RBFOX1: variants seen among roughly 807,000 people sequenced by gnomAD.
RBFOX1 encodes RNA binding protein fox-1 homolog 1.
Under a neutral mutation model 57.7 loss-of-function variants are expected in RBFOX1, and 8 were observed. The observed-to-expected ratio is 0.14, with a 90% CI of 0.08 to 0.25. The LOEUF is 0.25. Among genes scored for constraint, RBFOX1 ranks in the 10% least tolerant of loss-of-function variants. The probability of loss-of-function intolerance (pLI) is 1.00; values close to 1 mark genes in which losing one functional copy is unlikely to be tolerated. For missense variants in RBFOX1, 611 were observed against 548.5 expected, an observed-to-expected ratio of 1.11 and a Z score of -1.14; for synonymous variants, 326 against 222.4, an observed-to-expected ratio of 1.47 and a Z score of -4.15.
chr16:7,282,498 G>C (rs1418201698), intron 4 of RBFOX1, among the ~76,000 whole-genome samples: 1 of 152,056 alleles, frequency 6.6e-6, no homozygotes. Flanking sequence ...ATTTTCTGCT[G>C]CCTTTTGCTC....
chr16:6,486,339 T>G (rs995009749), intron 2 of RBFOX1, among the ~76,000 whole-genome samples: 13 of 152,004 alleles, frequency 8.6e-5, no homozygotes, highest in Non-Finnish European at 1.5e-4. Context: ...CTGTCTAAAT[T>G]TATAATTTTT....
At chr16:7,077,449 C>G (rs1408668286) in intron 4 of RBFOX1, among the ~76,000 whole-genome samples, 2 of 152,136 alleles carry the variant, frequency 1.3e-5, no homozygotes, top group African/African-American at 4.8e-5. Flanking sequence ...CACAGAGTCT[C>G]AAAGACGAAC....
At chr16:5,818,902 T>C (rs2055744448) in intron 3 of RBFOX1, among the ~76,000 whole-genome samples, 2 of 152,162 alleles carry the variant, frequency 1.3e-5, no homozygotes, top group Non-Finnish European at 2.9e-5. Context: ...ACCCACCAAA[T>C]ACATCACCTT....
At chr16:5,523,098 C>T (rs2044085330) in intron 2 of RBFOX1, among the ~76,000 whole-genome samples, 1 of 151,964 alleles carries the variant, frequency 6.6e-6, no homozygotes, top group African/African-American at 2.4e-5. Context: ...CTAGCCTGGC[C>T]AATATGGTGC....
chr16:5,723,793 G>A (rs992185130), intron 3 of RBFOX1, among the ~76,000 whole-genome samples: 2 of 152,228 alleles, frequency 1.3e-5, no homozygotes, highest in Non-Finnish European at 2.9e-5. Flanking sequence ...TATGGAGAAA[G>A]CAGTGGAGGT....
At chr16:5,509,628 C>T (rs1331355395) in intron 2 of RBFOX1, among the ~76,000 whole-genome samples, 1 of 152,136 alleles carries the variant, frequency 6.6e-6, no homozygotes, top group Non-Finnish European at 1.5e-5. Context: ...CCTCATTTTC[C>T]AGGGAAGGCA....
chr16:6,133,395 C>T (rs35660628), intron 1 of RBFOX1, among the ~76,000 whole-genome samples: 7,679 of 152,268 alleles, frequency 0.05, 248 homozygotes, highest in Non-Finnish European at 0.069. Flanking sequence ...GCACTGAACA[C>T]AGGGTTCTGA....
chr16:5,520,188 A>G (rs957750939), intron 2 of RBFOX1, among the ~76,000 whole-genome samples: 1 of 152,250 alleles, frequency 6.6e-6, no homozygotes, highest in Non-Finnish European at 1.5e-5. Flanking sequence ...GAGATGAGTG[A>G]AGGAGAGAAG....
intron 4 of RBFOX1, among the ~76,000 whole-genome samples, chr16:5,910,237 C>G (rs1407272183): frequency 1.3e-5 from 2 of 152,002 alleles, no homozygotes; most frequent in African/African-American, 2.4e-5. Context: ...GGGTAGAGAC[C>G]TCTATATAGC....
Position 7,592,966 on chromosome 16 carries a change from C to A in RBFOX1, c.469-2583C>A, listed in dbSNP as rs539268395. 2.0e-5 allele frequency among the ~76,000 whole-genome samples: 3 copies of A among 148,920 alleles called. No homozygotes were observed. In the South Asian group the frequency reaches 6.4e-4, roughly 32 times the overall value. On this transcript the variant is annotated intron_variant, in intron 7 of 15. Coordinates refer to ENST00000550418, the MANE Select transcript of RBFOX1 (RefSeq NM_018723.4). ...AAGTAGCAGAGACAATAGGTACAGG[C>A]TGTCACACCTGGCTTTTTTTTTTTT... is the stretch of plus-strand genomic sequence containing the variant.
chr16:5,507,887 A>C (rs1190270936), intron 2 of RBFOX1, among the ~76,000 whole-genome samples: 1 of 152,076 alleles, frequency 6.6e-6, no homozygotes, highest in Non-Finnish European at 1.5e-5. Context: ...GGCCCTGCTG[A>C]CACCTCCATC....
At chr16:6,478,527 G>A (rs2095320836) in intron 2 of RBFOX1, among the ~76,000 whole-genome samples, 4 of 145,912 alleles carry the variant, frequency 2.7e-5, no homozygotes, top group African/African-American at 5.1e-5. Flanking sequence ...ACTTGCCTTG[G>A]CCTCCCAAAA....
chr16:7,140,306 C>T (rs866033246), intron 4 of RBFOX1, among the ~76,000 whole-genome samples: 55 of 99,476 alleles, frequency 5.5e-4, no homozygotes, highest in Middle Eastern at 8.5e-3. Context: ...TAAAGGTCAC[C>T]TTCTCTTGGT....
chr16:6,454,762 G>C (rs892792313), intron 2 of RBFOX1, among the ~76,000 whole-genome samples: 1 of 151,546 alleles, frequency 6.6e-6, no homozygotes, highest in Non-Finnish European at 1.5e-5. Context: ...AGTGAGAAGA[G>C]GCACACATCT....
chr16:5,885,340 C>G (rs926465278), intron 4 of RBFOX1, among the ~76,000 whole-genome samples: 1 of 151,020 alleles, frequency 6.6e-6, no homozygotes, highest in African/African-American at 2.4e-5. Flanking sequence ...AAAAAAAACT[C>G]CAAATACGAC....
intron 4 of RBFOX1, among the ~76,000 whole-genome samples, chr16:7,313,206 G>A (rs1481956422): frequency 1.3e-5 from 2 of 152,154 alleles, no homozygotes; most frequent in Non-Finnish European, 2.9e-5. Context: ...TAAACTCGTT[G>A]ACAGGTTCCC....
chr16:6,170,422 C>T (rs1438752912), intron 1 of RBFOX1, among the ~76,000 whole-genome samples: 1 of 152,128 alleles, frequency 6.6e-6, no homozygotes, highest in South Asian at 2.1e-4. Flanking sequence ...TTAATAAAGT[C>T]ACCAAGGAAT....
chr16:5,713,756 C>G, intron 3 of RBFOX1, among the ~76,000 whole-genome samples: 1 of 152,274 alleles, frequency 6.6e-6, no homozygotes, highest in African/African-American at 2.4e-5. Flanking sequence ...ATGCAAACTG[C>G]CCCCCTCCCT....
chr16:6,216,313 C>G (rs1175031257), intron 1 of RBFOX1, among the ~76,000 whole-genome samples: 2 of 152,102 alleles, frequency 1.3e-5, no homozygotes, highest in East Asian at 3.9e-4. Flanking sequence ...CAGATTTTAA[C>G]CATCTACTAG....
Sources: allele counts gnomAD v4.1 joint callset (sites outside exome capture counted in the v4.1 genomes callset), GRCh38; gene constraint gnomAD v4.1.1; transcripts MANE v1.5; gene names NCBI Gene and HGNC (gene_info 2026-07-23, HGNC 2026-07-21).